Variants in CDH18 observed in about 807,000 individuals in gnomAD.
CDH18 encodes the protein cadherin-18.
A neutral mutation model predicts 67.9 loss-of-function variants in CDH18; 31 were observed. That is an observed-to-expected ratio of 0.46 (90% CI 0.34 to 0.62). CDH18 has a LOEUF of 0.62. Among genes scored for constraint, CDH18 ranks in the 20% least tolerant of loss-of-function variants. The pLI, the probability that CDH18 is intolerant of heterozygous loss-of-function variation, is 0.01. For missense variants in CDH18, 890 were observed against 975.5 expected, an observed-to-expected ratio of 0.91 and a Z score of 1.17; for synonymous variants, 362 against 347.2, an observed-to-expected ratio of 1.04 and a Z score of -0.48.
intron 6 of CDH18, among the ~76,000 whole-genome samples, chr5:19,609,377 G>T (rs1748587233): frequency 6.6e-6 from 1 of 151,948 alleles, no homozygotes; most frequent in African/African-American, 2.4e-5. Context: ...TACCCTTGTA[G>T]TTGGGCATGC....
At chr5:19,590,822 G>A (rs1272999265) in intron 7 of CDH18, among the ~76,000 whole-genome samples, 2 of 152,126 alleles carry the variant, frequency 1.3e-5, no homozygotes, top group Non-Finnish European at 1.5e-5. Context: ...CAAAGATGGA[G>A]AGAAACATTG....
At chr5:20,128,259 A>C (rs1261162949) in intron 2 of CDH18, among the ~76,000 whole-genome samples, 1 of 152,260 alleles carries the variant, frequency 6.6e-6, no homozygotes, top group East Asian at 1.9e-4. Flanking sequence ...AATAGAAAAT[A>C]AAAGATCACA....
chr5:19,816,333 G>A (rs1460662601), intron 3 of CDH18, among the ~76,000 whole-genome samples: 1 of 151,814 alleles, frequency 6.6e-6, no homozygotes, highest in Non-Finnish European at 1.5e-5. Flanking sequence ...TGTTTAGTCA[G>A]TTAAAAACAT....
chr5:20,345,730 C>A (rs1561991163), intron 1 of CDH18, among the ~76,000 whole-genome samples: 1 of 152,084 alleles, frequency 6.6e-6, no homozygotes, highest in Non-Finnish European at 1.5e-5. Context: ...AAATCCACCT[C>A]ATACTTATAC....
intron 2 of CDH18, among the ~76,000 whole-genome samples, chr5:19,935,875 G>C (rs1396035686): frequency 4.1e-5 from 6 of 146,652 alleles, no homozygotes; most frequent in African/African-American, 1.0e-4. Flanking sequence ...TTCCAAACTT[G>C]TGATTTTTTT....
chr5:19,843,924 A>C (rs79221938), intron 2 of CDH18, among the ~76,000 whole-genome samples: 144 of 152,280 alleles, frequency 9.5e-4, no homozygotes, highest in East Asian at 4.3e-3. Flanking sequence ...AATTTCTCCC[A>C]TTGGAGAAGA....
chr5:19,661,452 T>A (rs1757164755), intron 5 of CDH18, among the ~76,000 whole-genome samples: 1 of 151,978 alleles, frequency 6.6e-6, no homozygotes, highest in Admixed American at 6.6e-5. Context: ...ACATAATATT[T>A]TTCTTTTAAA....
At chr5:20,097,852 T>G (rs1185074081) in intron 2 of CDH18, among the ~76,000 whole-genome samples, 3 of 152,114 alleles carry the variant, frequency 2.0e-5, no homozygotes, top group Non-Finnish European at 2.9e-5. Context: ...CTGTTGCAAT[T>G]GTTTTGAAAT....
chr5:20,041,987 AGAT>A (rs1293993772), intron 2 of CDH18, among the ~76,000 whole-genome samples: 1 of 152,242 alleles, frequency 6.6e-6, no homozygotes, highest in Non-Finnish European at 1.5e-5. Flanking sequence ...ATACAAGTGT[AGAT>A]ACCTAGAAAT....
intron 5 of CDH18, among the ~76,000 whole-genome samples, chr5:19,706,419 A>G (rs1414336783): frequency 6.6e-6 from 1 of 152,236 alleles, no homozygotes; most frequent in African/African-American, 2.4e-5. Flanking sequence ...AGCTAAAGCT[A>G]TTATCCAGCA....
At chr5:19,760,925 G>C (rs1213691386) in intron 3 of CDH18, among the ~76,000 whole-genome samples, 1 of 152,146 alleles carries the variant, frequency 6.6e-6, no homozygotes, top group Non-Finnish European at 1.5e-5. Context: ...GCATGGGTTG[G>C]GGAGTGGATG....
At chr5:19,610,978 A>T (rs570038421) in intron 6 of CDH18, among the ~76,000 whole-genome samples, 1 of 152,272 alleles carries the variant, frequency 6.6e-6, no homozygotes, top group East Asian at 1.9e-4. Context: ...ATTTTTATTT[A>T]ACTATGACTA....
chr5:19,973,910 A>G (rs1476696724), intron 2 of CDH18, among the ~76,000 whole-genome samples: 3 of 152,102 alleles, frequency 2.0e-5, no homozygotes, highest in East Asian at 1.9e-4. Flanking sequence ...AGAGAGGAAC[A>G]ACATCTACTG....
At chr5:19,662,978 C>T (rs1032781661) in intron 5 of CDH18, among the ~76,000 whole-genome samples, 4 of 151,986 alleles carry the variant, frequency 2.6e-5, no homozygotes, top group Admixed American at 2.0e-4. Flanking sequence ...TAAATATGCC[C>T]GCTTAAAGTT....
At chr5:20,257,472 GGCTCTATT>G (rs71597987) in intron 1 of CDH18, among the ~76,000 whole-genome samples, 66,914 of 151,036 alleles carry the variant, frequency 0.44, 14,792 homozygotes, top group African/African-American at 0.49. Flanking sequence ...ATTTTATCTT[GGCTCTATT>G]GCTCTATTGC....
intron 1 of CDH18, among the ~76,000 whole-genome samples, chr5:20,383,098 A>G (rs1229303445): frequency 6.6e-6 from 1 of 152,126 alleles, no homozygotes. Context: ...AGATATTGTA[A>G]TATTAGTGAT....
At chr5:20,431,513 GAA>G (rs1748744291) in intron 1 of CDH18, among the ~76,000 whole-genome samples, 1 of 139,598 alleles carries the variant, frequency 7.2e-6, no homozygotes, top group Non-Finnish European at 1.6e-5. Context: ...AAAAGAAGAA[GAA>G]AAGAAGAATA....
intron 8 of CDH18, among the ~76,000 whole-genome samples, chr5:19,565,778 G>T (rs965136807): frequency 1.3e-5 from 2 of 152,170 alleles, no homozygotes; most frequent in African/African-American, 2.4e-5. Flanking sequence ...AAGAGAGTAC[G>T]TTGGGAAAAC....
At chr5:20,291,055 T>C (rs1227408515) in intron 1 of CDH18, among the ~76,000 whole-genome samples, 3 of 152,072 alleles carry the variant, frequency 2.0e-5, no homozygotes, top group Non-Finnish European at 4.4e-5. Context: ...ATTATAAGAA[T>C]GAAGCAGAAA....
Sources: gnomAD v4.1 joint callset for allele counts (sites outside exome capture counted in the v4.1 genomes callset) on GRCh38, gnomAD v4.1.1 for gene constraint, MANE v1.5 for transcripts, NCBI Gene and HGNC (gene_info 2026-07-23, HGNC 2026-07-21) for gene names.